TMEM132B: variants seen among roughly 807,000 people sequenced by gnomAD.
TMEM132B encodes the protein transmembrane protein 132B.
In TMEM132B, 18 loss-of-function variants were observed where a neutral mutation model predicts 90.8. The ratio of observed to expected loss-of-function variants is 0.20; its 90% CI spans 0.14 to 0.29. The LOEUF is 0.29. TMEM132B is among the 10% of genes least tolerant of loss of function. The pLI is 1.00. For missense variants in TMEM132B, 1,096 were observed against 1,326.8 expected, an observed-to-expected ratio of 0.83 and a Z score of 2.70; for synonymous variants, 504 against 523.3, an observed-to-expected ratio of 0.96 and a Z score of 0.50.
intron 1 of TMEM132B, among the ~76,000 whole-genome samples, chr12:125,271,099 C>A (rs749537746): frequency 2.0e-5 from 3 of 152,232 alleles, no homozygotes; most frequent in African/African-American, 7.2e-5. Flanking sequence ...TATAGGTGTG[C>A]ACCACCATGT....
At chr12:125,284,683 T>A (rs79125030) in intron 1 of TMEM132B, among the ~76,000 whole-genome samples, 1 of 152,376 alleles carries the variant, frequency 6.6e-6, no homozygotes, top group South Asian at 2.1e-4. Context: ...GCGTTTTTTT[T>A]ATTTGCTGTT....
At chr12:125,583,196 A>G (rs1885093476) in intron 4 of TMEM132B, among the ~76,000 whole-genome samples, 1 of 152,176 alleles carries the variant, frequency 6.6e-6, no homozygotes, top group South Asian at 2.1e-4. Flanking sequence ...AGACTGAGAT[A>G]AACTATGAAC....
intron 4 of TMEM132B, among the ~76,000 whole-genome samples, chr12:125,527,695 G>GCCACCCTTCCATCCACCCAT (rs1305582063): frequency 1.7e-5 from 1 of 59,796 alleles, no homozygotes; most frequent in Admixed American, 1.7e-4. Flanking sequence ...CAACCACCCA[G>GCCACCCTTCCATCCACCCAT]CCACCCTTCC....
intron 1 of TMEM132B, among the ~76,000 whole-genome samples, chr12:125,253,936 G>A (rs1017895537): frequency 1.3e-5 from 2 of 152,314 alleles, no homozygotes; most frequent in Non-Finnish European, 2.9e-5. Context: ...CTTTGTTTCT[G>A]TGGAGCTTGG....
chr12:125,430,352 A>G (rs73428727), intron 3 of TMEM132B, among the ~76,000 whole-genome samples: 6,926 of 152,210 alleles, frequency 0.046, 527 homozygotes, highest in African/African-American at 0.16. Flanking sequence ...AGATAATGAT[A>G]TGAAATGTGC....
rs140849085 is a variant in TMEM132B, at chr12:125,467,238, C to T, written c.1106+51561C>T. On this transcript the variant is annotated intron_variant, in intron 3 of 8. Transcript: ENST00000682704. Reference sequence around the variant, plus strand: ...AGAGAATAGAGCTGAGAAATTGAGACACAGATAGACAGATGGAGAGAGATG... The same window carrying T: ...AGAGAATAGAGCTGAGAAATTGAGATACAGATAGACAGATGGAGAGAGATG... 5.1e-3 allele frequency among the ~76,000 whole-genome samples: 780 copies of T among 152,284 alleles called. 6 individuals are homozygous for T. The highest frequency in any genetic ancestry group is 8.3e-3 in the South Asian group (40 of 4,824).
chr12:125,464,598 C>T (rs541103201), intron 3 of TMEM132B, among the ~76,000 whole-genome samples: 1 of 152,312 alleles, frequency 6.6e-6, no homozygotes, highest in South Asian at 2.1e-4. Context: ...AGCAGGTGCT[C>T]AGTGACTGAA....
At chr12:125,514,995 C>T (rs1034289799) in intron 3 of TMEM132B, among the ~76,000 whole-genome samples, 12 of 152,114 alleles carry the variant, frequency 7.9e-5, no homozygotes, top group African/African-American at 2.7e-4. Flanking sequence ...TTAGCTTTTA[C>T]GGAAGGGGAG....
Position 125,443,374 on chromosome 12 carries a change from T to C in TMEM132B, c.1106+27697T>C, listed in dbSNP as rs1212206330. On this transcript the variant is annotated intron_variant, in intron 3 of 8. Transcript: ENST00000682704. ...TTTCTTTGGTGTAAACTTTGGTGCA[T>C]GGAGGGATTGTAGGATGGCCCCTTT... Among the ~76,000 whole-genome samples, 3 of 152,176 alleles carry C rather than the reference T, an allele frequency of 2.0e-5. No homozygotes were observed. In the East Asian group the frequency reaches 5.8e-4, roughly 29 times the overall value.
At chr12:125,561,569 G>A (rs1014817643) in intron 4 of TMEM132B, among the ~76,000 whole-genome samples, 5 of 152,100 alleles carry the variant, frequency 3.3e-5, no homozygotes, top group African/African-American at 1.2e-4. Flanking sequence ...AGACCTGAAA[G>A]CCAAAATTAC....
chr12:125,326,547 T>G (rs1593085552), intron 1 of TMEM132B: 35 of 1,425,254 alleles, frequency 2.5e-5, no homozygotes, highest in African/African-American at 2.0e-4. Flanking sequence ...TGGGGGGAGG[T>G]GGGAATTAGG....
intron 1 of TMEM132B, among the ~76,000 whole-genome samples, chr12:125,258,695 C>T (rs941511256): frequency 5.9e-5 from 9 of 152,118 alleles, no homozygotes; most frequent in Non-Finnish European, 1.0e-4. Context: ...GGAAGAATGA[C>T]AAGATGACAT....
intron 2 of TMEM132B, among the ~76,000 whole-genome samples, chr12:125,400,371 G>A (rs2136319238): frequency 6.6e-6 from 1 of 152,344 alleles, no homozygotes; most frequent in Admixed American, 6.5e-5. Flanking sequence ...CCCTTCAGGT[G>A]TCCTGTTCTC....
chr12:125,546,448 C>A (rs1414452009), intron 4 of TMEM132B, among the ~76,000 whole-genome samples: 1 of 152,210 alleles, frequency 6.6e-6, no homozygotes, highest in East Asian at 1.9e-4. Context: ...TCCCAAAGTG[C>A]TGGGATTACA....
chr12:125,567,268 TTCTCTA>T (rs1218712823), intron 4 of TMEM132B, among the ~76,000 whole-genome samples: 1 of 152,140 alleles, frequency 6.6e-6, no homozygotes, highest in African/African-American at 2.4e-5. Flanking sequence ...CCACCTGTCT[TTCTCTA>T]TATCTCTCTC....
chr12:125,319,853 A>G (rs1351774077), intron 1 of TMEM132B, among the ~76,000 whole-genome samples: 2 of 152,070 alleles, frequency 1.3e-5, no homozygotes, highest in Non-Finnish European at 2.9e-5. Context: ...TGTCTCTATA[A>G]AAAGTAAACA....
At chr12:125,242,177 G>A (rs948615527) in intron 1 of TMEM132B, among the ~76,000 whole-genome samples, 1 of 152,154 alleles carries the variant, frequency 6.6e-6, no homozygotes, top group East Asian at 1.9e-4. Context: ...TTGAGTCAGG[G>A]TCTCACTTTT....
At chr12:125,360,750 G>C (rs927402264) in intron 2 of TMEM132B, among the ~76,000 whole-genome samples, 7 of 151,872 alleles carry the variant, frequency 4.6e-5, no homozygotes, top group Non-Finnish European at 8.8e-5. Flanking sequence ...CGATGGGCAG[G>C]TTTTGGATCA....
intron 2 of TMEM132B, among the ~76,000 whole-genome samples, chr12:125,373,433 T>G (rs1593110541): frequency 6.6e-6 from 1 of 152,112 alleles, no homozygotes; most frequent in South Asian, 2.1e-4. Context: ...AAAAGGGAGA[T>G]CCATGTGAAG....
Sources: gnomAD v4.1 joint callset for allele counts (sites outside exome capture counted in the v4.1 genomes callset) on GRCh38, gnomAD v4.1.1 for gene constraint, MANE v1.5 for transcripts, NCBI Gene and HGNC (gene_info 2026-07-23, HGNC 2026-07-21) for gene names.